The following GRIK3 variants were observed in gnomAD, a reference collection of about 807,000 sequenced individuals.
GRIK3 encodes the protein glutamate receptor ionotropic, kainate 3.
In GRIK3, 29 loss-of-function variants were observed where a neutral mutation model predicts 102.5. The ratio of observed to expected loss-of-function variants is 0.28; its 90% CI spans 0.21 to 0.39. The LOEUF is 0.39. Ranked by LOEUF, GRIK3 falls within the 10% of genes least tolerant of loss-of-function variation. The pLI is 1.00. For synonymous variants in GRIK3, 511 were observed against 504.9 expected (o/e 1.01, Z -0.16); for missense variants, 908 against 1,252.4 (o/e 0.73, Z 4.15).
At chr1:36,968,654 T>A (rs1305745557) in intron 1 of GRIK3, among the ~76,000 whole-genome samples, 1 of 152,180 alleles carries the variant, frequency 6.6e-6, no homozygotes, top group Non-Finnish European at 1.5e-5. Context: ...TGCCCCTCTT[T>A]ACAATCTGGA....
chr1:36,808,891 T>C (rs530306395), intron 13 of GRIK3, among the ~76,000 whole-genome samples: 29 of 152,336 alleles, frequency 1.9e-4, no homozygotes, highest in African/African-American at 6.7e-4. Flanking sequence ...ATTCCAACTA[T>C]TCTTCTAATC....
At chr1:36,917,454 G>A (rs1047805732) in intron 1 of GRIK3, among the ~76,000 whole-genome samples, 5 of 152,196 alleles carry the variant, frequency 3.3e-5, no homozygotes, top group East Asian at 1.9e-4. Context: ...GCATGATATG[G>A]TTTGGCTGTG....
intron 1 of GRIK3, among the ~76,000 whole-genome samples, chr1:36,895,145 C>G (rs1641159433): frequency 2.0e-5 from 3 of 152,178 alleles, no homozygotes; most frequent in Non-Finnish European, 2.9e-5. Flanking sequence ...ATGCTTCCCC[C>G]TCTCCTCACC....
intron 2 of GRIK3, among the ~76,000 whole-genome samples, chr1:36,888,670 C>T (rs747444541): frequency 1.4e-4 from 22 of 152,252 alleles, no homozygotes; most frequent in East Asian, 5.8e-4. Flanking sequence ...ACACAGTGGG[C>T]GCTCAACAGA....
Position 36,890,977 on chromosome 1 carries a change from AG to A in GRIK3, c.234del (p.Leu79Ter). 6.2e-7 allele frequency: 1 copy of A among 1,614,008 alleles called. No individual in the cohort carries two copies. The highest frequency in any genetic ancestry group is 8.5e-7 in the Non-Finnish European group (1 of 1,179,914). On this transcript the variant is annotated frameshift_variant, in exon 2 of 16. Transcript: ENST00000373091. LOFTEE classifies it high-confidence loss of function. ...TGAATCCTCTGTATGTCATAGGTCA[AG>A]GTTGTGTTGGGCAGCAGAGTCCTGT... ...NRNRTLLPNT[T>X]LTYDIQRIHF...
At chr1:36,832,362 C>T (rs1640312545) in intron 10 of GRIK3, among the ~76,000 whole-genome samples, 1 of 152,168 alleles carries the variant, frequency 6.6e-6, no homozygotes, top group Admixed American at 6.5e-5. Context: ...GGTCAGCTGA[C>T]AGAGCACATG....
intron 5 of GRIK3, among the ~76,000 whole-genome samples, chr1:36,869,404 A>T (rs902841635): frequency 2.6e-5 from 4 of 152,104 alleles, no homozygotes; most frequent in Non-Finnish European, 4.4e-5. Context: ...TACCTTATTA[A>T]CTCATTTGGT....
chr1:37,027,034 G>A (rs143447026), intron 1 of GRIK3, among the ~76,000 whole-genome samples: 95 of 152,146 alleles, frequency 6.2e-4, no homozygotes, highest in African/African-American at 2.0e-3. Flanking sequence ...AGTGGGGGAG[G>A]CACAATGCAC....
chr1:36,993,921 C>T (rs950705027), intron 1 of GRIK3, among the ~76,000 whole-genome samples: 3 of 152,184 alleles, frequency 2.0e-5, no homozygotes, highest in Non-Finnish European at 4.4e-5. Flanking sequence ...GACTGCACTG[C>T]AGCTCAATCT....
intron 1 of GRIK3, among the ~76,000 whole-genome samples, chr1:37,033,289 G>A (rs751810186): frequency 3.3e-5 from 5 of 152,218 alleles, no homozygotes; most frequent in African/African-American, 7.2e-5. Flanking sequence ...AACCGCTGGC[G>A]TCCCTGGGCC....
At chr1:36,826,621 C>G (rs1275125723) in intron 10 of GRIK3, among the ~76,000 whole-genome samples, 1 of 150,856 alleles carries the variant, frequency 6.6e-6, no homozygotes, top group Non-Finnish European at 1.5e-5. Context: ...CTGCAGTGAG[C>G]TGTGATCGTG....
chr1:36,863,190 T>C (rs189043935), intron 5 of GRIK3, among the ~76,000 whole-genome samples: 1 of 151,866 alleles, frequency 6.6e-6, no homozygotes, highest in East Asian at 1.9e-4. Context: ...AGTGACAGAG[T>C]CAACACCAGG....
Position 36,850,237 on chromosome 1 carries a change from G to A in GRIK3, c.1326+74C>T. 2 of 886,702 alleles carry A rather than the reference G, an allele frequency of 2.3e-6. No individual in the cohort carries two copies. The highest frequency in any genetic ancestry group is 3.8e-6 in the Non-Finnish European group (2 of 521,972). The allele number at this position is 886,702 out of a possible 1,614,324, so 54.9% of individuals were successfully genotyped here. The stretch of plus-strand genomic sequence containing the variant: ...CATCTTCTGGGTGGGGGGGATAGAG[G>A]GGACTCTCCAGCCCGAACGGCCACC... On this transcript the variant is annotated intron_variant, in intron 9 of 15. Transcript: ENST00000373091. This position sits in a 1 kb window ranked among gnomAD's most constrained non-coding sequence, Gnocchi z 4.0.
At chr1:36,930,540 T>C (rs527738049) in intron 1 of GRIK3, among the ~76,000 whole-genome samples, 64 of 152,204 alleles carry the variant, frequency 4.2e-4, no homozygotes, top group Non-Finnish European at 7.3e-4. Context: ...GCCTTAGTTC[T>C]TGTGCTCTGG....
intron 1 of GRIK3, among the ~76,000 whole-genome samples, chr1:36,985,912 C>T (rs1363341066): frequency 6.6e-6 from 1 of 152,118 alleles, no homozygotes; most frequent in Non-Finnish European, 1.5e-5. Flanking sequence ...AGTGTGGCCC[C>T]TTCCGGCTGA....
chr1:36,964,050 C>A (rs1273484076), intron 1 of GRIK3, among the ~76,000 whole-genome samples: 8 of 152,196 alleles, frequency 5.3e-5, no homozygotes, highest in African/African-American at 1.7e-4. Context: ...GTCATGAAGA[C>A]CCCATGGACA....
At chr1:36,996,297 C>T (rs1642419199) in intron 1 of GRIK3, among the ~76,000 whole-genome samples, 1 of 152,250 alleles carries the variant, frequency 6.6e-6, no homozygotes, top group African/African-American at 2.4e-5. Flanking sequence ...ATCCACCAGG[C>T]TGGAGGCTGA....
rs1244415933 is a variant in GRIK3 at position 36,795,767 on chromosome 1, C to T, written c.*6084G>A. 2.0e-5 allele frequency: 3 copies of T among 152,180 alleles called. No individual in the cohort carries two copies. Among genetic ancestry groups the T allele is most frequent in the African/African-American group, 4.8e-5 (2 of 41,440 alleles). 9.4% of individuals were successfully genotyped at this position (152,180 alleles called of 1,614,324 possible). On this transcript the variant is annotated 3_prime_UTR_variant, in exon 16 of 16. Coordinates refer to ENST00000373091, the MANE Select transcript of GRIK3 (RefSeq NM_000831.4). ...TTCTGCATGTCCACAAAGGGCATCC[C>T]CTGAATGGCCCAGAGACCAGTGTGT...
chr1:36,886,421 C>T (rs1048497631), intron 2 of GRIK3, among the ~76,000 whole-genome samples: 2 of 152,146 alleles, frequency 1.3e-5, no homozygotes, highest in Non-Finnish European at 2.9e-5. Flanking sequence ...CCTAAAGATG[C>T]CTCAGGAGAA....
Sources: allele counts gnomAD v4.1 joint callset (sites outside exome capture counted in the v4.1 genomes callset), GRCh38; gene constraint gnomAD v4.1.1; non-coding constraint Gnocchi (gnomAD v3.1); transcripts MANE v1.5; gene names NCBI Gene and HGNC (gene_info 2026-07-23, HGNC 2026-07-21).